The following WWP1 variants were observed in gnomAD, a reference collection of about 807,000 sequenced individuals.
The protein encoded by WWP1 is WW domain containing E3 ubiquitin protein ligase 1.
WWP1 carries 49 observed loss-of-function variants against 130.6 expected under a neutral mutation model. The observed-to-expected ratio is 0.38, with a 90% CI of 0.30 to 0.48. The LOEUF (loss-of-function observed/expected upper bound fraction) is 0.48, where lower values mean the gene tolerates loss of function less well. Among genes scored for constraint, WWP1 ranks in the 20% least tolerant of loss-of-function variants. The probability of loss-of-function intolerance (pLI) is 0.99; values close to 1 mark genes in which losing one functional copy is unlikely to be tolerated. For synonymous variants in WWP1, 332 were observed against 367.8 expected, an observed-to-expected ratio of 0.90 and a Z score of 1.11; for missense variants, 809 against 1,100.6, an observed-to-expected ratio of 0.74 and a Z score of 3.75.
chr8:86,349,071 G>T (rs918281159), intron 1 of WWP1, among the ~76,000 whole-genome samples: 5 of 152,106 alleles, frequency 3.3e-5, no homozygotes, highest in African/African-American at 1.2e-4. Flanking sequence ...ACCCAGGCTG[G>T]AGTGCAGTGG....
At chr8:86,376,595 A>T (rs920544048) in intron 3 of WWP1, among the ~76,000 whole-genome samples, 3 of 152,050 alleles carry the variant, frequency 2.0e-5, no homozygotes, top group Non-Finnish European at 4.4e-5. Context: ...AAAAGAAAAG[A>T]AAAAGAAAAA....
chr8:86,352,564 C>T (rs1017028891), intron 1 of WWP1, among the ~76,000 whole-genome samples: 4 of 151,950 alleles, frequency 2.6e-5, no homozygotes, highest in African/African-American at 7.3e-5. Context: ...GGGGTCTTAC[C>T]TTATTTCCCA....
intron 9 of WWP1, among the ~76,000 whole-genome samples, 164 bp from the exon 10 acceptor site, chr8:86,425,059 C>T (rs993991969): frequency 6.6e-6 from 1 of 151,884 alleles, no homozygotes; most frequent in Non-Finnish European, 1.5e-5. Context: ...AGAAAATGAA[C>T]ACTTCTGTAT....
At position 86,460,790 on chromosome 8, in the gene WWP1, C is replaced by CTTTTTTTTTT. The variant is rs59506795; in HGVS notation, c.2500-406_2500-397dup. Among the ~76,000 whole-genome samples the CTTTTTTTTTT allele has an allele frequency of 3.7e-4, 23 of 62,400 alleles. 4 individuals are homozygous for CTTTTTTTTTT. Among genetic ancestry groups the CTTTTTTTTTT allele is most frequent in the Middle Eastern group, 0.011 (1 of 88 alleles). The allele number at this position is 62,400 out of a possible 152,430, so 40.9% of individuals were successfully genotyped here. On this transcript the variant is annotated intron_variant, in intron 22 of 24. Transcript: ENST00000517970. ...ACCCTACAACCTCTTTTTAGCACAT[C>CTTTTTTTTTT]TTTTTTTTTTTTTTTTTTTTTTTTT... is the stretch of plus-strand genomic sequence containing the variant.
chr8:86,360,987 T>C (rs898382464), intron 1 of WWP1, among the ~76,000 whole-genome samples: 2 of 152,128 alleles, frequency 1.3e-5, no homozygotes, highest in African/African-American at 2.4e-5. Flanking sequence ...TTGAGGAATG[T>C]CAGGAATAGA....
At chr8:86,404,488 T>C in intron 8 of WWP1, among the ~76,000 whole-genome samples, 1 of 152,214 alleles carries the variant, frequency 6.6e-6, no homozygotes, top group East Asian at 1.9e-4. Flanking sequence ...TTTCCATTGG[T>C]AATAAGTTCA....
Position 86,352,433 on chromosome 8 carries a change from C to T in WWP1, c.-115+9503C>T, listed in dbSNP as rs1032219011. 2.6e-5 allele frequency among the ~76,000 whole-genome samples: 4 copies of T among 152,062 alleles called. No individual in the cohort carries two copies. The East Asian group carries it at 7.7e-4, about 29-fold the overall frequency. ...AGAGACGGGATTTTACCATGTTGGC[C>T]AGGCTGGTCTCGAACTCCTGGCCTC... On this transcript the variant is annotated intron_variant, in intron 1 of 24. Coordinates refer to ENST00000517970, the MANE Select transcript of WWP1 (RefSeq NM_007013.4).
rs1048079017 is a variant in WWP1 at position 86,369,033 on chromosome 8, T to G, written c.-22+2T>G. 1 of 152,220 alleles carries G rather than the reference T, an allele frequency of 6.6e-6. No homozygotes were observed. Among genetic ancestry groups the G allele is most frequent in the African/African-American group, 2.4e-5 (1 of 41,468 alleles). The allele number at this position is 152,220 out of a possible 1,614,324, so 9.4% of individuals were successfully genotyped here. A position where few individuals can be genotyped will look rare whatever the true frequency, so the allele number is the denominator to read the frequency against. ...GTGTCTAGCAGTTCCTGATACATAG[T>G]AAGTGGTTAACAATTTTTTTAAAAC... On this transcript the variant is annotated splice_donor_variant, in intron 2 of 24. Transcript: ENST00000517970. LOFTEE classifies it low-confidence loss of function (5UTR_SPLICE).
chr8:86,356,647 T>C (rs1291368209), intron 1 of WWP1, among the ~76,000 whole-genome samples: 1 of 152,112 alleles, frequency 6.6e-6, no homozygotes, highest in African/African-American at 2.4e-5. Context: ...TGTCTGTCTT[T>C]TAAAGGTCCA....
intron 1 of WWP1, among the ~76,000 whole-genome samples, chr8:86,367,100 C>T (rs1824017684): frequency 1.3e-5 from 2 of 152,172 alleles, no homozygotes; most frequent in African/African-American, 4.8e-5. Context: ...TTAGGTTCCA[C>T]ATTTATTGAA....
chr8:86,447,131 A>C (rs931054612), intron 18 of WWP1, among the ~76,000 whole-genome samples: 1 of 152,210 alleles, frequency 6.6e-6, no homozygotes, highest in Non-Finnish European at 1.5e-5. Flanking sequence ...GTCATAGAGC[A>C]GTCAGCTTGG....
intron 22 of WWP1, among the ~76,000 whole-genome samples, 189 bp downstream of exon 22, chr8:86,458,214 T>A (rs1184794519): frequency 6.6e-6 from 1 of 152,218 alleles, no homozygotes; most frequent in African/African-American, 2.4e-5. Context: ...TTTGACTGTC[T>A]TGCTGAAATG....
chr8:86,362,086 A>ATATATATACACTAGG (rs1823670431), intron 1 of WWP1, among the ~76,000 whole-genome samples: 1 of 129,536 alleles, frequency 7.7e-6, no homozygotes, highest in African/African-American at 3.3e-5. Context: ...ATATATACAC[A>ATATATATACACTAGG]CATATATATA....
In WWP1 at chr8:86,461,563, T is replaced by C. The variant is rs142256388; in HGVS notation, c.2597-211T>C. ...TATGGTGACTGTGAAGGGAGCGACA[T>C]TCTGTAGAGAGAGTTTTCTTCCCAA... is the stretch of plus-strand genomic sequence containing the variant. On this transcript the variant is annotated intron_variant, in intron 23 of 24. Transcript: ENST00000517970. The C allele has an allele frequency of 2.7e-5, 17 of 628,262 alleles. No individual in the cohort carries two copies. In the African/African-American group the frequency reaches 2.9e-4, roughly 11 times the overall value. The allele number at this position is 628,262 out of a possible 1,614,324, so 38.9% of individuals were successfully genotyped here. A position where few individuals can be genotyped will look rare whatever the true frequency, so the allele number is the denominator to read the frequency against.
In WWP1 at chr8:86,427,816, C is replaced by T; in HGVS notation, c.1331C>T (p.Ser444Leu). 3.8e-6 allele frequency: 6 copies of T among 1,599,064 alleles called. No homozygotes were observed. The highest frequency in any genetic ancestry group is 1.1e-5 in the South Asian group (1 of 88,140). The change falls in exon 11 of 25, where the codon TCG (serine) becomes TTG (leucine). Residue 444 changes from serine (S) to leucine (L), a missense_variant and splice_region_variant. By Grantham distance (145) the Ser-to-Leu change is moderately radical. This residue lies in a region of WWP1 where 450 missense variants were observed against 674.2 expected (regional missense o/e 0.67). Coordinates refer to ENST00000517970, the MANE Select transcript of WWP1 (RefSeq NM_007013.4). The stretch of plus-strand genomic sequence containing the variant: ...CAGTTTAACCAACGATACCTCTATT[C>T]GGTAATTAGCAAATTGTAAGATGTT... ...MQQFNQRYLY[S>L]ASMLAAENDP...
At chr8:86,460,472 C>T (rs1811696087) in intron 22 of WWP1, among the ~76,000 whole-genome samples, 1 of 152,160 alleles carries the variant, frequency 6.6e-6, no homozygotes, top group Non-Finnish European at 1.5e-5. Flanking sequence ...ATGATTCTAC[C>T]TATCTCATAG....
Position 86,402,159 on chromosome 8 carries a change from C to T in WWP1, c.680C>T (p.Thr227Ile), listed in dbSNP as rs199985016. ...CAGGTTGCTGCCAGACCCAAAAATA[C>T]ACCAGCTCCAAAACCACTCGCATCT... ...PSQVAARPKN[T>I]PAPKPLASEP... Residue 227 changes from threonine (T) to isoleucine (I), a missense_variant, in exon 8 of 25, where the codon ACA becomes ATA. Transcript: ENST00000517970. 1.9e-6 allele frequency: 3 copies of T among 1,614,064 alleles called. No individual in the cohort carries two copies. Among genetic ancestry groups the T allele is most frequent in the East Asian group, 2.2e-5 (1 of 44,862 alleles).
At chr8:86,386,625 T>C (rs2130398484) in intron 5 of WWP1, among the ~76,000 whole-genome samples, 1 of 151,578 alleles carries the variant, frequency 6.6e-6, no homozygotes, top group East Asian at 1.9e-4. Flanking sequence ...TTGCCCAAAA[T>C]TCTTTTTGGA....
In WWP1 at chr8:86,466,957, G is replaced by A. The variant is rs1812207908; in HGVS notation, c.*64G>A. 1 of 1,219,802 alleles carries A rather than the reference G, an allele frequency of 8.2e-7. No individual in the cohort carries two copies. Among genetic ancestry groups the A allele is most frequent in the Non-Finnish European group, 1.2e-6 (1 of 836,824 alleles). The allele number at this position is 1,219,802 out of a possible 1,614,324, so 75.6% of individuals were successfully genotyped here. ...TACCCCAGCCAAGAAAAATTGCACA[G>A]ATAGTGTATATAAGCTGTTCATTCT... On this transcript the variant is annotated 3_prime_UTR_variant, in exon 25 of 25. Coordinates refer to ENST00000517970, the MANE Select transcript of WWP1 (RefSeq NM_007013.4).
Sources: allele counts gnomAD v4.1 joint callset (sites outside exome capture counted in the v4.1 genomes callset), GRCh38; gene constraint gnomAD v4.1.1; regional missense constraint gnomAD v4.1.1; transcripts MANE v1.5; gene names NCBI Gene and HGNC (gene_info 2026-07-23, HGNC 2026-07-21).